The following CTSA variants were observed in gnomAD, a reference collection of about 807,000 sequenced individuals.
CTSA encodes the protein cathepsin A, also known as lysosomal protective protein.
A neutral mutation model predicts 66.7 loss-of-function variants in CTSA; 42 were observed. The ratio of observed to expected loss-of-function variants is 0.63; its 90% CI spans 0.49 to 0.81. The LOEUF is 0.81. Among genes scored for constraint, CTSA ranks in the 40% least tolerant of loss-of-function variants. The pLI is 0.00. For synonymous variants in CTSA, 225 were observed against 248.6 expected, an observed-to-expected ratio of 0.91 and a Z score of 0.89; for missense variants, 525 against 610.9, an observed-to-expected ratio of 0.86 and a Z score of 1.48.
intron 5 of CTSA, 60 bp from the exon 6 acceptor site, chr20:45,892,665 T>C: frequency 6.2e-7 from 1 of 1,607,788 alleles, no homozygotes; most frequent in Non-Finnish European, 8.5e-7. Flanking sequence ...TCTCTGAAGT[T>C]CTTTCCAGTT....
chr20:45,893,272 T>A lies in CTSA; in HGVS notation c.653T>A (p.Leu218Gln), dbSNP rs1987070051. Residue 218 changes from leucine to glutamine, a missense_variant, in exon 7 of 15, where the codon CTG (leucine) becomes CAG (glutamine). Physicochemically the swap from Leu to Gln is moderately radical, Grantham distance 113. This residue lies in a region of CTSA where 246 missense variants were observed against 267.4 expected (regional missense o/e 0.92). Transcript: ENST00000646241. ...LSSYEQNDNSLVYFAYYHGLL... is the reference protein window; with the variant it reads ...LSSYEQNDNSQVYFAYYHGLL... The stretch of plus-strand genomic sequence containing the variant: ...TCCTATGAGCAGAATGACAACTCCC[T>A]GGTCTACTTTGCCTACTACCATGGC... 6.2e-7 allele frequency: 1 copy of A among 1,614,142 alleles called. No homozygotes were observed. The highest frequency in any genetic ancestry group is 1.3e-5 in the African/African-American group (1 of 75,034).
At position 45,895,033 on chromosome 20, in the gene CTSA, C is replaced by T. The variant is rs1383620646; in HGVS notation, c.988C>T (p.Pro330Ser). The change falls in exon 11 of 15, where the codon CCC becomes TCC. Residue 330 changes from proline to serine, a missense_variant. Transcript: ENST00000646241. ...RSGDKVRMDP[P>S]CTNTTAASTY... is the part of the protein sequence containing the mutation. The stretch of plus-strand genomic sequence containing the variant: ...AGGGGATAAAGTGCGCATGGACCCC[C>T]CCTGCACCAACACAACAGCTGCTTC... 1.9e-6 allele frequency: 3 copies of T among 1,614,160 alleles called. No homozygotes were observed. The highest frequency in any genetic ancestry group is 2.5e-6 in the Non-Finnish European group (3 of 1,180,016).
rs1477984978 is a variant in CTSA at position 45,891,740 on chromosome 20, G to A, written c.172G>A (p.Gly58Ser). The change falls in exon 2 of 15, where the codon GGC becomes AGC. Residue 58 changes from glycine (G) to serine (S), a missense_variant. Transcript: ENST00000646241. The surrounding 1 kb of genome is among the most constrained non-coding windows in gnomAD (Gnocchi z 4.6). Reference sequence around the variant, plus strand: ...GTACTCCGGCTACCTCAAAGGCTCCGGCTCCAAGCACCTCCACTACTGGTC... The same window carrying A: ...GTACTCCGGCTACCTCAAAGGCTCCAGCTCCAAGCACCTCCACTACTGGTC... ...RQYSGYLKGS[G>S]SKHLHYWFVE... 1.2e-6 allele frequency: 2 copies of A among 1,613,640 alleles called. No homozygotes were observed. The highest frequency in any genetic ancestry group is 2.2e-5 in the East Asian group (1 of 44,898).
chr20:45,897,856 G>A, intron 13 of CTSA, 50 bp downstream of exon 13: 1 of 1,523,908 alleles, frequency 6.6e-7, no homozygotes, highest in South Asian at 1.1e-5. Context: ...TGGAGGATTG[G>A]GAGCGGGTAT....
At position 45,892,403 on chromosome 20, in the gene CTSA, C is replaced by G. The variant is rs927720619; in HGVS notation, c.363C>G (p.Ala121=). 2 of 1,614,030 alleles carry G rather than the reference C, an allele frequency of 1.2e-6. No homozygotes were observed. Among genetic ancestry groups the G allele is most frequent in the Admixed American group, 3.3e-5 (2 of 60,002 alleles). The stretch of plus-strand genomic sequence containing the variant: ...AATTTTTCCCTCCCCTCTAGATTGC[C>G]AATGTGTTATACCTGGAGTCCCCAG... ...EYNPYSWNLI[A]NVLYLESPAG... Residue 121 remains alanine, a synonymous_variant, in exon 5 of 15, where the codon GCC becomes GCG. Transcript: ENST00000646241.
In CTSA at chr20:45,898,117, C is replaced by G; in HGVS notation, c.1359+8C>G. 1 of 1,612,304 alleles carries G rather than the reference C, an allele frequency of 6.2e-7. No individual in the cohort carries two copies. Among genetic ancestry groups the G allele is most frequent in the Non-Finnish European group, 8.5e-7 (1 of 1,178,392 alleles). On this transcript the variant is annotated splice_region_variant and intron_variant, in intron 14 of 14. Coordinates refer to ENST00000646241, the MANE Select transcript of CTSA (RefSeq NM_000308.4). This position sits in a 1 kb window ranked among gnomAD's most constrained non-coding sequence, Gnocchi z 4.6. ...GCCTTTCTCACGATCAAGGTAGGGACTGGGCCTGCTGAGAGATAACTGGGC... is the reference window on the plus strand; with the variant it reads ...GCCTTTCTCACGATCAAGGTAGGGAGTGGGCCTGCTGAGAGATAACTGGGC...
chr20:45,896,199 C>T (rs1205293220), intron 11 of CTSA, among the ~76,000 whole-genome samples: 2 of 151,726 alleles, frequency 1.3e-5, no homozygotes, highest in Non-Finnish European at 2.9e-5. Flanking sequence ...CCATCTCAAA[C>T]AACAATAACA....
chr20:45,894,071 A>G lies in CTSA; in HGVS notation c.776A>G (p.Asn259Ser). The G allele has an allele frequency of 2.5e-6, 4 of 1,602,370 alleles. No individual in the cohort carries two copies. The highest frequency in any genetic ancestry group is 3.4e-6 in the Non-Finnish European group (4 of 1,169,450). ...AACAAAGACCTGGAATGCGTGACCAATGTGAGGTTCTGCCATCACTTTGCA... is the reference window on the plus strand; with the variant it reads ...AACAAAGACCTGGAATGCGTGACCAGTGTGAGGTTCTGCCATCACTTTGCA... ...YDNKDLECVT[N>S]LQEVARIVGN... The change falls in exon 8 of 15, where the codon AAT becomes AGT. Residue 259 changes from asparagine (N) to serine (S), a missense_variant and splice_region_variant. Physicochemically the swap from Asn to Ser is conservative, Grantham distance 46 (BLOSUM62 1). Around this residue, in one of 3 missense-constraint regions of CTSA, gnomAD observed 274 missense variants for 321.1 expected, o/e 0.85. Coordinates refer to ENST00000646241, the MANE Select transcript of CTSA (RefSeq NM_000308.4).
chr20:45,897,905 C>G, intron 13 of CTSA, 99 bp downstream of exon 13: 1 of 1,537,726 alleles, frequency 6.5e-7, no homozygotes. Flanking sequence ...CTCTGGCCCA[C>G]AGAGGGCAAG....
At chr20:45,892,605 T>A in intron 5 of CTSA, 120 bp from the exon 6 acceptor site, 1 of 1,495,662 alleles carries the variant, frequency 6.7e-7, no homozygotes, top group Non-Finnish European at 9.3e-7. Context: ...TATTGTGGTA[T>A]GGTGGCCAGT....
chr20:45,898,172 C>T lies in CTSA; in HGVS notation c.1359+63C>T. 3 of 1,551,798 alleles carry T rather than the reference C, an allele frequency of 1.9e-6. No individual in the cohort carries two copies. The highest frequency in any genetic ancestry group is 2.3e-5 in the East Asian group (1 of 44,234). On this transcript the variant is annotated intron_variant, in intron 14 of 14. Coordinates refer to ENST00000646241, the MANE Select transcript of CTSA (RefSeq NM_000308.4). The surrounding 1 kb of genome is among the most constrained non-coding windows in gnomAD (Gnocchi z 4.6). ...GGCAAAGGAGCAGGACCCACCCGTC[C>T]TTTCCCTCTGGCTGCCTTTTAGGCT...
In CTSA at chr20:45,898,290, G is replaced by C; in HGVS notation, c.1360-77G>C. The C allele has an allele frequency of 7.1e-7, 1 of 1,403,762 alleles. No individual in the cohort carries two copies. Among genetic ancestry groups the C allele is most frequent in the Non-Finnish European group, 1.0e-6 (1 of 1,004,286 alleles). The allele number at this position is 1,403,762 out of a possible 1,614,324, so 87.0% of individuals were successfully genotyped here. ...GGAAGAATAAAGGGTTTGGGATGAA[G>C]GAATTGCCCCCGAGTGAGCAGTTAT... is the stretch of plus-strand genomic sequence containing the variant. On this transcript the variant is annotated intron_variant, in intron 14 of 14. Transcript: ENST00000646241. The surrounding 1 kb of genome is among the most constrained non-coding windows in gnomAD (Gnocchi z 4.6).
Position 45,892,838 on chromosome 20 carries a change from C to T in CTSA, c.558C>T (p.Thr186=), listed in dbSNP as rs780223147. 5.6e-6 allele frequency: 9 copies of T among 1,614,020 alleles called. No individual in the cohort carries two copies. The highest frequency in any genetic ancestry group is 4.0e-5 in the African/African-American group (3 of 74,914). Residue 186 remains threonine, a synonymous_variant, in exon 6 of 15, where the codon ACC becomes ACT. Coordinates refer to ENST00000646241, the MANE Select transcript of CTSA (RefSeq NM_000308.4). ...GESYAGIYIP[T]LAVLVMQDPS... is the part of the protein sequence containing the mutation. The stretch of plus-strand genomic sequence containing the variant: ...GCTATGCTGGCATCTACATCCCCAC[C>T]CTGGCCGTGCTGGTCATGCAGGATC...
chr20:45,892,702 C>CT lies in CTSA; in HGVS notation c.445-22dup, dbSNP rs372296082. The CT allele has an allele frequency of 1.5e-5, 25 of 1,614,196 alleles. No individual in the cohort carries two copies. The Middle Eastern group carries it at 4.9e-4, about 32-fold the overall frequency. On this transcript the variant is annotated intron_variant, in intron 5 of 14. Coordinates refer to ENST00000646241, the MANE Select transcript of CTSA (RefSeq NM_000308.4). ...AAATACCAAAGCTTCCTGATTCCCTCTGTCTTGCTCTGCCATCCCCAGGTC... is the reference window on the plus strand; with the variant it reads ...AAATACCAAAGCTTCCTGATTCCCTCTTGTCTTGCTCTGCCATCCCCAGGTC...
intron 11 of CTSA, chr20:45,896,244 A>ACCCCCCCC (rs58016224): frequency 2.2e-5 from 3 of 136,402 alleles, no homozygotes; most frequent in African/African-American, 8.3e-5. Flanking sequence ...TCCTGTGGCC[A>ACCCCCCCC]CCCCCCCCCA....
Position 45,891,630 on chromosome 20 carries a change from C to T in CTSA, c.62C>T (p.Ser21Phe). The T allele has an allele frequency of 6.2e-7, 1 of 1,611,524 alleles. No individual in the cohort carries two copies. Among genetic ancestry groups the T allele is most frequent in the African/African-American group, 1.3e-5 (1 of 74,988 alleles). ...LLLLLLLLLV[S>F]WASRGEAAPD... ...CTGCTGCTGCTGCTGCTGCTAGTGT[C>T]CTGGGCGTCCCGAGGCGAGGCAGCC... Residue 21 changes from serine to phenylalanine, a missense_variant, in exon 2 of 15, where the codon TCC becomes TTC. Ser to Phe is a radical substitution (Grantham distance 155). Coordinates refer to ENST00000646241, the MANE Select transcript of CTSA (RefSeq NM_000308.4). This position sits in a 1 kb window ranked among gnomAD's most constrained non-coding sequence, Gnocchi z 4.6.
At chr20:45,892,597 T>C in intron 5 of CTSA, 113 bp downstream of exon 5, 1 of 1,491,676 alleles carries the variant, frequency 6.7e-7, no homozygotes, top group Non-Finnish European at 9.3e-7. Flanking sequence ...TCATATGCTA[T>C]TGTGGTATGG....
In CTSA at chr20:45,891,427, TGC is replaced by T; in HGVS notation, c.-1+52_-1+53del. On this transcript the variant is annotated intron_variant, in intron 1 of 14. Coordinates refer to ENST00000646241, the MANE Select transcript of CTSA (RefSeq NM_000308.4). The surrounding 1 kb of genome is among the most constrained non-coding windows in gnomAD (Gnocchi z 4.6). ...AGGGGATCCCCGAGCCCGGGATCGG[TGC>T]GCGGCAGAGGAGGCTCGCGGGTGGG... 2 of 1,551,286 alleles carry T rather than the reference TGC, an allele frequency of 1.3e-6. No homozygotes were observed. The highest frequency in any genetic ancestry group is 1.7e-6 in the Non-Finnish European group (2 of 1,148,172).
chr20:45,895,406 A>C (rs775821500), intron 11 of CTSA, among the ~76,000 whole-genome samples: 5 of 152,052 alleles, frequency 3.3e-5, no homozygotes, highest in Non-Finnish European at 7.4e-5. Context: ...CTGCAGCCTC[A>C]AACTCATGGG....
Sources: gnomAD v4.1 joint callset for allele counts (sites outside exome capture counted in the v4.1 genomes callset) on GRCh38, gnomAD v4.1.1 for gene constraint, gnomAD v4.1.1 regional missense constraint, Gnocchi (gnomAD v3.1) non-coding constraint, MANE v1.5 for transcripts, NCBI Gene and HGNC (gene_info 2026-07-23, HGNC 2026-07-21) for gene names.